HILPDA: variants seen among roughly 807,000 people sequenced by gnomAD.
The protein encoded by HILPDA is hypoxia inducible lipid droplet associated, also known as hypoxia-inducible lipid droplet-associated protein.
For missense variants in HILPDA, 72 were observed against 73.5 expected (o/e 0.98, Z 0.08); for synonymous variants, 37 against 33.2 (o/e 1.12, Z -0.40).
At position 128,457,498 on chromosome 7, in the gene HILPDA, T is replaced by C. The variant is rs1290534039; in HGVS notation, c.*38T>C. On this transcript the variant is annotated 3_prime_UTR_variant, in exon 2 of 2. Coordinates refer to ENST00000257696, the MANE Select transcript of HILPDA (RefSeq NM_013332.4). ...CCATACTGGCCATATTTTGGAACAC[T>C]GACCTAGACATGTCCAGATGGGAGT... 6.3e-7 allele frequency: 1 copy of C among 1,579,002 alleles called. No homozygotes were observed.
chr7:128,457,258 T>C lies in HILPDA; in HGVS notation c.-11T>C, dbSNP rs2116814739. ...TCTGTTTCTCTGCAGAGGAGTAGGG[T>C]CCTTTCAGCCATGAAGCATGTGTTG... On this transcript the variant is annotated 5_prime_UTR_variant, in exon 2 of 2. Coordinates refer to ENST00000257696, the MANE Select transcript of HILPDA (RefSeq NM_013332.4). 1.2e-6 allele frequency: 2 copies of C among 1,603,384 alleles called. No homozygotes were observed. Among genetic ancestry groups the C allele is most frequent in the East Asian group, 4.5e-5 (2 of 44,608 alleles).
At position 128,458,351 on chromosome 7, in the gene HILPDA, T is replaced by C. The variant is rs1404068554; in HGVS notation, c.*891T>C. On this transcript the variant is annotated 3_prime_UTR_variant, in exon 2 of 2. Coordinates refer to ENST00000257696, the MANE Select transcript of HILPDA (RefSeq NM_013332.4). The stretch of plus-strand genomic sequence containing the variant: ...GGGATGCCAAAGCCTGCTCAAGTTA[T>C]GGACATTGTGGCCACCATGTGGCTT... The C allele has an allele frequency of 6.0e-6, 1 of 167,102 alleles. No homozygotes were observed. The highest frequency in any genetic ancestry group is 1.5e-5 in the Non-Finnish European group (1 of 68,130). 10.4% of individuals were successfully genotyped at this position (167,102 alleles called of 1,614,324 possible). A position where few individuals can be genotyped will look rare whatever the true frequency, so the allele number is the denominator to read the frequency against.
chr7:128,457,622 C>T lies in HILPDA; in HGVS notation c.*162C>T, dbSNP rs926091102. The T allele has an allele frequency of 1.6e-5, 11 of 685,914 alleles. No individual in the cohort carries two copies. In the African/African-American group the frequency reaches 1.6e-4, roughly 10 times the overall value. The allele number at this position is 685,914 out of a possible 1,614,324, so 42.5% of individuals were successfully genotyped here. The stretch of plus-strand genomic sequence containing the variant: ...CTGGATGCTCATTGCCTGGGCAAGG[C>T]CTGTTTAGGCCGGTTGCGGTGGCTC... On this transcript the variant is annotated 3_prime_UTR_variant, in exon 2 of 2. Transcript: ENST00000257696.
rs1177666558 is a variant in HILPDA at position 128,457,322 on chromosome 7, C to A, written c.54C>A (p.Ser18=). The stretch of plus-strand genomic sequence containing the variant: ...TAGGTGTGGTACTGACCCTACTCTC[C>A]ATCTTCGTTAGAGTGATGGAGTCCC... The part of the protein sequence containing the change: ...YLLGVVLTLL[S]IFVRVMESLE... Residue 18 remains serine (S), a synonymous_variant, in exon 2 of 2, where the codon TCC becomes TCA. Coordinates refer to ENST00000257696, the MANE Select transcript of HILPDA (RefSeq NM_013332.4). 1 of 1,613,964 alleles carries A rather than the reference C, an allele frequency of 6.2e-7. No individual in the cohort carries two copies. The highest frequency in any genetic ancestry group is 2.2e-5 in the East Asian group (1 of 44,898).
At position 128,457,483 on chromosome 7, in the gene HILPDA, C is replaced by T. The variant is rs1354919691; in HGVS notation, c.*23C>T. 1 of 1,609,898 alleles carries T rather than the reference C, an allele frequency of 6.2e-7. No individual in the cohort carries two copies. The highest frequency in any genetic ancestry group is 8.5e-7 in the Non-Finnish European group (1 of 1,176,576). On this transcript the variant is annotated 3_prime_UTR_variant, in exon 2 of 2. Transcript: ENST00000257696. ...TGATAAGACCTCCTTCCATACTGGC[C>T]ATATTTTGGAACACTGACCTAGACA...
chr7:128,455,993 C>T lies in HILPDA; in HGVS notation c.-99C>T, dbSNP rs2288556. On this transcript the variant is annotated 5_prime_UTR_variant, in exon 1 of 2. Transcript: ENST00000257696. ...CTCCTGCACGACCTGCTCCTACAGC[C>T]GGCGATCCACTCCCGGCTGTTCCCC... 2 of 456,552 alleles carry T rather than the reference C, an allele frequency of 4.4e-6. No homozygotes were observed. Among genetic ancestry groups the T allele is most frequent in the East Asian group, 1.4e-4 (2 of 14,384 alleles). 28.3% of individuals were successfully genotyped at this position (456,552 alleles called of 1,614,324 possible).
Position 128,458,071 on chromosome 7 carries a change from G to C in HILPDA, c.*611G>C, listed in dbSNP as rs1177083482. On this transcript the variant is annotated 3_prime_UTR_variant, in exon 2 of 2. Coordinates refer to ENST00000257696, the MANE Select transcript of HILPDA (RefSeq NM_013332.4). ...TCTCTTAGATGTCCCAACTTCAGCTGTTGGGAGATGGTGATATTTTCAACC... is the reference window on the plus strand; with the variant it reads ...TCTCTTAGATGTCCCAACTTCAGCTCTTGGGAGATGGTGATATTTTCAACC... 1 of 167,572 alleles carries C rather than the reference G, an allele frequency of 6.0e-6. No homozygotes were observed. Among genetic ancestry groups the C allele is most frequent in the Non-Finnish European group, 1.5e-5 (1 of 68,322 alleles). 10.4% of individuals were successfully genotyped at this position (167,572 alleles called of 1,614,324 possible).
chr7:128,457,476 T>A lies in HILPDA; in HGVS notation c.*16T>A. ...AAGCATGTGATAAGACCTCCTTCCATACTGGCCATATTTTGGAACACTGAC... is the reference window on the plus strand; with the variant it reads ...AAGCATGTGATAAGACCTCCTTCCAAACTGGCCATATTTTGGAACACTGAC... On this transcript the variant is annotated 3_prime_UTR_variant, in exon 2 of 2. Coordinates refer to ENST00000257696, the MANE Select transcript of HILPDA (RefSeq NM_013332.4). 1 of 1,612,462 alleles carries A rather than the reference T, an allele frequency of 6.2e-7. No individual in the cohort carries two copies. Among genetic ancestry groups the A allele is most frequent in the African/African-American group, 1.3e-5 (1 of 75,014 alleles).
At chr7:128,456,257 A>G (rs1799538640) in intron 1 of HILPDA, 2 of 307,120 alleles carry the variant, frequency 6.5e-6, no homozygotes, top group Non-Finnish European at 1.3e-5. Context: ...CATCCCTGCC[A>G]TGCCCTCCCA....
chr7:128,455,912 G>A lies in HILPDA; in HGVS notation c.-180G>A, dbSNP rs1459008406. ...GGCTGACGGCGCTTTTGTCTCCGGTGAGTTTTGTGGCGGGAAGCTTCTGCG... is the reference window on the plus strand; with the variant it reads ...GGCTGACGGCGCTTTTGTCTCCGGTAAGTTTTGTGGCGGGAAGCTTCTGCG... On this transcript the variant is annotated 5_prime_UTR_variant, in exon 1 of 2. Transcript: ENST00000257696. 2 of 456,650 alleles carry A rather than the reference G, an allele frequency of 4.4e-6. No individual in the cohort carries two copies. Among genetic ancestry groups the A allele is most frequent in the East Asian group, 1.4e-4 (2 of 14,410 alleles). The allele number at this position is 456,650 out of a possible 1,614,324, so 28.3% of individuals were successfully genotyped here.
At chr7:128,457,171 A>G in intron 1 of HILPDA, 30 bp from the exon 2 acceptor site, 2 of 1,017,564 alleles carry the variant, frequency 2.0e-6, no homozygotes, top group Non-Finnish European at 2.9e-6. Flanking sequence ...CCAAAAGGCT[A>G]TAGATTCATC....
At chr7:128,456,881 C>T (rs1231182600) in intron 1 of HILPDA, among the ~76,000 whole-genome samples, 1 of 152,140 alleles carries the variant, frequency 6.6e-6, no homozygotes, top group Non-Finnish European at 1.5e-5. Context: ...AGGCTGGTCT[C>T]GAATTCCTGA....
In HILPDA at chr7:128,457,333, G is replaced by A. The variant is rs1799556800; in HGVS notation, c.65G>A (p.Arg22Lys). 1.3e-5 allele frequency: 21 copies of A among 1,613,862 alleles called. No homozygotes were observed. Among genetic ancestry groups the A allele is most frequent in the Non-Finnish European group, 1.8e-5 (21 of 1,179,764 alleles). ...VVLTLLSIFV[R>K]VMESLEGLLE... is the part of the protein sequence containing the mutation. ...CTGACCCTACTCTCCATCTTCGTTAGAGTGATGGAGTCCCTAGAGGGCTTA... is the reference window on the plus strand; with the variant it reads ...CTGACCCTACTCTCCATCTTCGTTAAAGTGATGGAGTCCCTAGAGGGCTTA... Residue 22 changes from arginine (R) to lysine (K), a missense_variant, in exon 2 of 2, where the codon AGA becomes AAA. Transcript: ENST00000257696.
Position 128,457,334 on chromosome 7 carries a change from A to G in HILPDA, c.66A>G (p.Arg22=), listed in dbSNP as rs1490122127. 1 of 1,613,648 alleles carries G rather than the reference A, an allele frequency of 6.2e-7. No homozygotes were observed. Among genetic ancestry groups the G allele is most frequent in the Non-Finnish European group, 8.5e-7 (1 of 1,179,738 alleles). The stretch of plus-strand genomic sequence containing the variant: ...TGACCCTACTCTCCATCTTCGTTAG[A>G]GTGATGGAGTCCCTAGAGGGCTTAC... ...VVLTLLSIFV[R]VMESLEGLLE... The change falls in exon 2 of 2, where the codon AGA becomes AGG. Residue 22 remains arginine, a synonymous_variant. Transcript: ENST00000257696.
intron 1 of HILPDA, 135 bp from the exon 2 acceptor site, chr7:128,457,066 G>T: frequency 2.2e-6 from 1 of 463,296 alleles, no homozygotes; most frequent in South Asian, 4.5e-5. Context: ...GAGAGTTGCT[G>T]TGCAACTCCC....
rs1024597560 is a variant in HILPDA, at chr7:128,457,598, T to C, written c.*138T>C. On this transcript the variant is annotated 3_prime_UTR_variant, in exon 2 of 2. Transcript: ENST00000257696. The stretch of plus-strand genomic sequence containing the variant: ...CTAGGCCTTGAAGAACCTGTCTAAC[T>C]GGATGCTCATTGCCTGGGCAAGGCC... 1 of 821,652 alleles carries C rather than the reference T, an allele frequency of 1.2e-6. No individual in the cohort carries two copies. The allele number at this position is 821,652 out of a possible 1,614,324, so 50.9% of individuals were successfully genotyped here.
In HILPDA at chr7:128,455,910, G is replaced by C. The variant is rs962097049; in HGVS notation, c.-182G>C. 8.8e-6 allele frequency: 4 copies of C among 456,748 alleles called. No homozygotes were observed. In the Admixed American group the frequency reaches 9.4e-5, roughly 11 times the overall value. The allele number at this position is 456,748 out of a possible 1,614,324, so 28.3% of individuals were successfully genotyped here. The stretch of plus-strand genomic sequence containing the variant: ...GCGGCTGACGGCGCTTTTGTCTCCG[G>C]TGAGTTTTGTGGCGGGAAGCTTCTG... On this transcript the variant is annotated 5_prime_UTR_variant, in exon 1 of 2. Coordinates refer to ENST00000257696, the MANE Select transcript of HILPDA (RefSeq NM_013332.4).
At chr7:128,457,054 T>G (rs551374193) in intron 1 of HILPDA, 147 bp from the exon 2 acceptor site, 2 of 436,572 alleles carry the variant, frequency 4.6e-6, no homozygotes, top group Non-Finnish European at 8.3e-6. Context: ...AAAATATTCT[T>G]GGAGAGTTGC....
At chr7:128,456,047 C>T (rs1194552025) in intron 1 of HILPDA, 24 bp downstream of exon 1, 4 of 452,102 alleles carry the variant, frequency 8.8e-6, no homozygotes, top group African/African-American at 2.0e-5. Context: ...TGGGCTTCCC[C>T]GGCTCCCCAC....
Sources: allele counts gnomAD v4.1 joint callset (sites outside exome capture counted in the v4.1 genomes callset), GRCh38; gene constraint gnomAD v4.1.1; transcripts MANE v1.5; gene names NCBI Gene and HGNC (gene_info 2026-07-23, HGNC 2026-07-21).